The following SCHIP1 variants were observed in gnomAD, a reference collection of about 807,000 sequenced individuals.
SCHIP1 encodes schwannomin interacting protein 1.
A neutral mutation model predicts 29.7 loss-of-function variants in SCHIP1; 8 were observed. The observed-to-expected ratio is 0.27, with a 90% CI of 0.16 to 0.49. The LOEUF (loss-of-function observed/expected upper bound fraction) is 0.49. Ranked by LOEUF, SCHIP1 falls within the 20% of genes least tolerant of loss-of-function variation. The pLI, the probability that SCHIP1 is intolerant of heterozygous loss-of-function variation, is 0.99. For missense variants in SCHIP1, 193 were observed against 294.6 expected (o/e 0.66, Z 2.52); for synonymous variants, 76 against 94.9 (o/e 0.80, Z 1.16).
the SCHIP1 span, among the ~76,000 whole-genome samples, chr3:159,300,818 C>T: frequency 6.6e-6 from 1 of 152,204 alleles, no homozygotes; most frequent in East Asian, 1.9e-4. Flanking sequence ...GGGGTTAATT[C>T]GCTTACACTT....
chr3:159,462,660 C>G, the SCHIP1 span, among the ~76,000 whole-genome samples: 3 of 152,204 alleles, frequency 2.0e-5, no homozygotes, highest in South Asian at 4.2e-4. Context: ...TCCCCATTGC[C>G]TATAAAAAGT....
At chr3:159,892,854 T>G (rs1717680707) in intron 6 of SCHIP1, 1 of 152,404 alleles carries the variant, frequency 6.6e-6, no homozygotes, top group Admixed American at 6.5e-5. Flanking sequence ...ATAAAGTACC[T>G]GGAATACTGT....
chr3:159,888,026 C>G (rs1377506630), intron 4 of SCHIP1, 121 bp downstream of exon 5: 3 of 1,304,652 alleles, frequency 2.3e-6, no homozygotes, highest in Non-Finnish European at 3.1e-6. Flanking sequence ...GTAAAAAGTC[C>G]TGTCATTGAG....
At chr3:159,340,971 G>A in the SCHIP1 span, among the ~76,000 whole-genome samples, 73 of 152,214 alleles carry the variant, frequency 4.8e-4, no homozygotes, top group Admixed American at 3.9e-3. Context: ...CAAATATTTT[G>A]AGGATATGAT....
At chr3:159,481,207 C>T in the SCHIP1 span, among the ~76,000 whole-genome samples, 1 of 152,160 alleles carries the variant, frequency 6.6e-6, no homozygotes, top group Non-Finnish European at 1.5e-5. Context: ...CTAGCCCAGA[C>T]CTACTAAATC....
intron 1 of SCHIP1, chr3:159,852,947 A>G (rs915462774): frequency 1.9e-5 from 3 of 156,148 alleles, no homozygotes; most frequent in African/African-American, 7.2e-5. Flanking sequence ...TCAGATTGCT[A>G]GTTTCCTCAC....
At chr3:159,298,794 G>A in the SCHIP1 span, among the ~76,000 whole-genome samples, 2 of 152,164 alleles carry the variant, frequency 1.3e-5, no homozygotes, top group Non-Finnish European at 2.9e-5. Flanking sequence ...TGAAAGAATA[G>A]AAAATAAAAC....
At chr3:159,336,107 T>C in the SCHIP1 span, among the ~76,000 whole-genome samples, 1 of 152,242 alleles carries the variant, frequency 6.6e-6, no homozygotes, top group South Asian at 2.1e-4. Context: ...ATGATGAGCA[T>C]TTTTTCATGT....
At chr3:159,713,853 GC>G in the SCHIP1 span, among the ~76,000 whole-genome samples, 1 of 146,390 alleles carries the variant, frequency 6.8e-6, no homozygotes, top group African/African-American at 2.6e-5. Context: ...TTACAGCAAA[GC>G]AAACAAATAC....
At chr3:159,693,531 T>C in the SCHIP1 span, among the ~76,000 whole-genome samples, 1 of 152,182 alleles carries the variant, frequency 6.6e-6, no homozygotes, top group Non-Finnish European at 1.5e-5. Flanking sequence ...GCTATTAATG[T>C]TTTAGATGGG....
chr3:159,841,659 G>C (rs1473919534), intron 1 of SCHIP1, among the ~76,000 whole-genome samples: 1 of 152,112 alleles, frequency 6.6e-6, no homozygotes. Context: ...GTTTTTGTAG[G>C]TTGAAAATTG....
At chr3:159,785,447 A>C in the SCHIP1 span, among the ~76,000 whole-genome samples, 1 of 152,198 alleles carries the variant, frequency 6.6e-6, no homozygotes, top group African/African-American at 2.4e-5. Context: ...CCTTCTTCCT[A>C]CATAACTGAA....
chr3:159,499,789 TATCACC>T, the SCHIP1 span, among the ~76,000 whole-genome samples: 1 of 152,314 alleles, frequency 6.6e-6, no homozygotes, highest in Admixed American at 6.5e-5. Flanking sequence ...ATTACTTAAC[TATCACC>T]ATACCCCAAT....
At chr3:159,480,731 C>T in the SCHIP1 span, among the ~76,000 whole-genome samples, 1 of 152,090 alleles carries the variant, frequency 6.6e-6, no homozygotes, top group South Asian at 2.1e-4. Context: ...CTCATGATAA[C>T]CTAGGCAAAG....
At chr3:159,864,745 C>T (rs920387375) in intron 1 of SCHIP1, among the ~76,000 whole-genome samples, 1 of 152,092 alleles carries the variant, frequency 6.6e-6, no homozygotes, top group African/African-American at 2.4e-5. Context: ...TCTAATGCAG[C>T]CTGTTGAAGC....
the SCHIP1 span, among the ~76,000 whole-genome samples, chr3:159,318,882 C>G: frequency 6.6e-6 from 1 of 152,006 alleles, no homozygotes; most frequent in Admixed American, 6.6e-5. Context: ...GACCCATAGT[C>G]AAACATTCAG....
the SCHIP1 span, among the ~76,000 whole-genome samples, chr3:159,588,136 T>C: frequency 6.6e-6 from 1 of 152,148 alleles, no homozygotes; most frequent in African/African-American, 2.4e-5. Flanking sequence ...ACCTGTTGTT[T>C]CCTTACTTTT....
chr3:159,693,443 A>C, the SCHIP1 span, among the ~76,000 whole-genome samples: 1 of 152,220 alleles, frequency 6.6e-6, no homozygotes, highest in Non-Finnish European at 1.5e-5. Context: ...TTGGGTGTAG[A>C]CCAAGTAGAT....
At chr3:159,448,322 T>G in the SCHIP1 span, among the ~76,000 whole-genome samples, 5 of 152,014 alleles carry the variant, frequency 3.3e-5, no homozygotes, top group Non-Finnish European at 4.4e-5. Context: ...AATACAAAAA[T>G]TAGCCAGGTG....
Sources: gnomAD v4.1 joint callset for allele counts (sites outside exome capture counted in the v4.1 genomes callset) on GRCh38, gnomAD v4.1.1 for gene constraint, MANE v1.5 for transcripts, NCBI Gene and HGNC (gene_info 2026-07-23, HGNC 2026-07-21) for gene names.